Variants in TRPC1 observed in about 807,000 individuals in gnomAD.
TRPC1 encodes transient receptor potential cation channel subfamily C member 1, also known as short transient receptor potential channel 1.
TRPC1 carries 42 observed loss-of-function variants against 88.2 expected under a neutral mutation model. The ratio of observed to expected loss-of-function variants is 0.48; its 90% CI spans 0.37 to 0.62. The LOEUF is 0.62. TRPC1 is among the 20% of genes least tolerant of loss of function. The probability of loss-of-function intolerance (pLI) is 0.00; values close to 1 mark genes in which losing one functional copy is unlikely to be tolerated. For synonymous variants in TRPC1, 288 were observed against 331.8 expected (o/e 0.87, Z 1.43); for missense variants, 699 against 957.3 (o/e 0.73, Z 3.56).
chr3:142,730,046 G>A (rs1241049981), intron 1 of TRPC1, among the ~76,000 whole-genome samples: 1 of 152,044 alleles, frequency 6.6e-6, no homozygotes, highest in Non-Finnish European at 1.5e-5. Context: ...TTATAAATAT[G>A]TATAATTCAA....
chr3:142,728,335 C>CT (rs72269824), intron 1 of TRPC1, among the ~76,000 whole-genome samples: 115 of 137,866 alleles, frequency 8.3e-4, no homozygotes, highest in South Asian at 4.0e-3. Context: ...GACTGTATTT[C>CT]TTTTTTTTTT....
intron 4 of TRPC1, among the ~76,000 whole-genome samples, chr3:142,765,307 A>G (rs1935343302): frequency 1.3e-5 from 2 of 152,176 alleles, no homozygotes; most frequent in South Asian, 4.1e-4. Context: ...TTTTTCACAG[A>G]CTTAGAAAAA....
At chr3:142,725,099 G>T (rs1028103003) in intron 1 of TRPC1, among the ~76,000 whole-genome samples, 3 of 152,164 alleles carry the variant, frequency 2.0e-5, no homozygotes, top group Admixed American at 6.5e-5. Flanking sequence ...TCCGGGAGTC[G>T]AGAGGCTAGT....
chr3:142,724,565 G>GGCGGCCCTC lies in TRPC1; in HGVS notation c.14_15insCGCGGCCCT (p.Ala3_Leu5dup). On this transcript the variant is annotated inframe_insertion, in exon 1 of 13. Transcript: ENST00000476941. The surrounding 1 kb of genome is among the most constrained non-coding windows in gnomAD (Gnocchi z 5.6). ...TGCCCCCTTCATGGGCCGCGATGAT[G>GGCGGCCCTC]GCGGCCCTGTACCCGAGCACGGACC... 1 of 1,572,132 alleles carries GGCGGCCCTC rather than the reference G, an allele frequency of 6.4e-7. No homozygotes were observed. The highest frequency in any genetic ancestry group is 8.6e-7 in the Non-Finnish European group (1 of 1,160,786).
At chr3:142,756,179 G>A (rs372435129) in intron 4 of TRPC1, among the ~76,000 whole-genome samples, 4 of 152,092 alleles carry the variant, frequency 2.6e-5, no homozygotes, top group African/African-American at 9.7e-5. Flanking sequence ...CATTTGAGTT[G>A]TTTCCAGTTT....
chr3:142,762,220 G>A (rs1173117589), intron 4 of TRPC1, among the ~76,000 whole-genome samples: 1 of 152,008 alleles, frequency 6.6e-6, no homozygotes, highest in African/African-American at 2.4e-5. Flanking sequence ...ATTTTTTGTA[G>A]AGATGGGGTT....
intron 1 of TRPC1, among the ~76,000 whole-genome samples, chr3:142,736,030 C>G (rs1416829863): frequency 6.6e-6 from 1 of 151,872 alleles, no homozygotes; most frequent in Non-Finnish European, 1.5e-5. Flanking sequence ...TCTAATTTTT[C>G]TAGTGTCCAG....
At chr3:142,758,715 A>G (rs1428827082) in intron 4 of TRPC1, among the ~76,000 whole-genome samples, 1 of 151,352 alleles carries the variant, frequency 6.6e-6, no homozygotes, top group African/African-American at 2.4e-5. Flanking sequence ...TCTAGGGTAC[A>G]TGTGCATGTC....
At chr3:142,805,479 AAGC>A (rs35463388) in intron 12 of TRPC1, among the ~76,000 whole-genome samples, 10,544 of 152,200 alleles carry the variant, frequency 0.069, 1,175 homozygotes, top group African/African-American at 0.23. Context: ...GAGATATTGT[AAGC>A]AGTGATACAG....
At chr3:142,762,718 C>A (rs141700934) in intron 4 of TRPC1, among the ~76,000 whole-genome samples, 46 of 152,174 alleles carry the variant, frequency 3.0e-4, no homozygotes, top group African/African-American at 9.4e-4. Flanking sequence ...CATGAGCCAC[C>A]GTGCCCAGCC....
At position 142,748,315 on chromosome 3, in the gene TRPC1, G is replaced by A; in HGVS notation, c.487G>A (p.Val163Ile). 6.2e-7 allele frequency: 1 copy of A among 1,614,068 alleles called. No homozygotes were observed. Among genetic ancestry groups the A allele is most frequent in the Non-Finnish European group, 8.5e-7 (1 of 1,179,954 alleles). Reference protein sequence around the residue: ...EYSTTMDVAPVILAAHRNNYE... With the variant: ...EYSTTMDVAPIILAAHRNNYE... The stretch of plus-strand genomic sequence containing the variant: ...TTCAACAACTATGGATGTTGCACCT[G>A]TCATTTTAGCTGCTCATCGTAACAA... Residue 163 changes from valine (V) to isoleucine (I), a missense_variant, in exon 4 of 13, where the codon GTC becomes ATC. Val to Ile is a conservative substitution (Grantham distance 29, BLOSUM62 3). Coordinates refer to ENST00000476941, the MANE Select transcript of TRPC1 (RefSeq NM_001251845.2).
At position 142,784,843 on chromosome 3, in the gene TRPC1, G is replaced by T; in HGVS notation, c.1100G>T (p.Cys367Phe). ...ATCTTTTGGCCAGTTTTGTCACTTT[G>T]TTATTTGATAGCTCCCAAATCTCAG... Reference protein sequence around the residue: ...VGIFWPVLSLCYLIAPKSQFG... With the variant: ...VGIFWPVLSLFYLIAPKSQFG... Residue 367 changes from cysteine to phenylalanine, a missense_variant, in exon 7 of 13, where the codon TGT (cysteine) becomes TTT (phenylalanine). Cys to Phe is a radical substitution (Grantham distance 205). Transcript: ENST00000476941. The T allele has an allele frequency of 6.2e-7, 1 of 1,614,080 alleles. No individual in the cohort carries two copies. The highest frequency in any genetic ancestry group is 2.2e-5 in the East Asian group (1 of 44,868).
At chr3:142,773,140 A>T (rs1430868110) in intron 4 of TRPC1, among the ~76,000 whole-genome samples, 1 of 152,240 alleles carries the variant, frequency 6.6e-6, no homozygotes, top group Non-Finnish European at 1.5e-5. Flanking sequence ...GGAGGGATAC[A>T]ATTCAACCCA....
At chr3:142,747,213 T>A (rs1296043882) in intron 3 of TRPC1, among the ~76,000 whole-genome samples, 2 of 152,130 alleles carry the variant, frequency 1.3e-5, no homozygotes, top group Non-Finnish European at 2.9e-5. Flanking sequence ...AGAAAAAGGA[T>A]TAAAATGAAA....
intron 4 of TRPC1, among the ~76,000 whole-genome samples, chr3:142,771,286 G>C: frequency 6.6e-6 from 1 of 151,936 alleles, no homozygotes; most frequent in East Asian, 1.9e-4. Flanking sequence ...TTTTTGACTG[G>C]TTTCTCTAGG....
intron 9 of TRPC1, among the ~76,000 whole-genome samples, chr3:142,795,470 A>G (rs1221280513): frequency 6.6e-6 from 1 of 152,024 alleles, no homozygotes; most frequent in South Asian, 2.1e-4. Context: ...CAAACAGAGA[A>G]TAGCAGGTCA....
chr3:142,751,099 A>G (rs934311481), intron 4 of TRPC1, among the ~76,000 whole-genome samples: 14 of 152,216 alleles, frequency 9.2e-5, no homozygotes, highest in African/African-American at 3.4e-4. Flanking sequence ...AATTACTGTG[A>G]GCTAGGTTTA....
intron 2 of TRPC1, among the ~76,000 whole-genome samples, chr3:142,739,751 T>C (rs1934272894): frequency 6.6e-6 from 1 of 152,000 alleles, no homozygotes. Context: ...AAATGGAAAG[T>C]GGGAAAGGCT....
At position 142,744,189 on chromosome 3, in the gene TRPC1, TTAA is replaced by T. The variant is rs552173896; in HGVS notation, c.429+605_429+607del. 5.3e-5 allele frequency among the ~76,000 whole-genome samples: 8 copies of T among 152,202 alleles called. No individual in the cohort carries two copies. In the East Asian group the frequency reaches 1.5e-3, roughly 29 times the overall value. On this transcript the variant is annotated intron_variant, in intron 3 of 12. Coordinates refer to ENST00000476941, the MANE Select transcript of TRPC1 (RefSeq NM_001251845.2). Reference sequence around the variant, plus strand: ...AGCAGAAAATACAAAATGTTAAATCTTAATGATAATCAAATACAGTAAGATACT... The same window carrying T: ...AGCAGAAAATACAAAATGTTAAATCTTGATAATCAAATACAGTAAGATACT...
Sources: gnomAD v4.1 joint callset for allele counts (sites outside exome capture counted in the v4.1 genomes callset) on GRCh38, gnomAD v4.1.1 for gene constraint, Gnocchi (gnomAD v3.1) non-coding constraint, MANE v1.5 for transcripts, NCBI Gene and HGNC (gene_info 2026-07-23, HGNC 2026-07-21) for gene names.